GSE1: variants seen among roughly 807,000 people sequenced by gnomAD.
GSE1 encodes the protein genetic suppressor element 1.
Under a neutral mutation model 112.6 loss-of-function variants are expected in GSE1, and 32 were observed. The ratio of observed to expected loss-of-function variants is 0.28; its 90% CI spans 0.21 to 0.38. The LOEUF is 0.38. Ranked by LOEUF, GSE1 falls within the 10% of genes least tolerant of loss-of-function variation. The pLI, the probability that GSE1 is intolerant of heterozygous loss-of-function variation, is 1.00. For synonymous variants in GSE1, 1,115 were observed against 735.6 expected (o/e 1.52, Z -8.35); for missense variants, 2,348 against 1,699.2 (o/e 1.38, Z -6.71).
intron 2 of GSE1, among the ~76,000 whole-genome samples, chr16:85,546,145 C>G (rs1179648085): frequency 6.6e-6 from 1 of 152,050 alleles, no homozygotes; most frequent in Non-Finnish European, 1.5e-5. Flanking sequence ...AGTACAGTGG[C>G]CCGATCTCAG....
intron 1 of GSE1, among the ~76,000 whole-genome samples, chr16:85,623,772 C>T (rs540624380): frequency 6.6e-6 from 1 of 152,340 alleles, no homozygotes; most frequent in South Asian, 2.1e-4. Flanking sequence ...ACCCTGGACC[C>T]CTCTTCGAAG....
At chr16:85,333,119 G>A (rs77327884) in intron 1 of GSE1, among the ~76,000 whole-genome samples, 2,544 of 152,250 alleles carry the variant, frequency 0.017, 75 homozygotes, top group African/African-American at 0.058. Context: ...TGCAGAGCTG[G>A]GAGGTGGACA....
At chr16:85,251,081 G>C (rs1384071334) in intron 1 of GSE1, among the ~76,000 whole-genome samples, 1 of 152,232 alleles carries the variant, frequency 6.6e-6, no homozygotes, top group Non-Finnish European at 1.5e-5. Flanking sequence ...TGTTTGGGCT[G>C]CTCCCACTCT....
intron 1 of GSE1, among the ~76,000 whole-genome samples, chr16:85,584,659 C>T (rs1292287872): frequency 3.3e-5 from 5 of 152,160 alleles, no homozygotes; most frequent in Admixed American, 6.5e-5. Context: ...GTACTTGGTA[C>T]TGCTTTTCCG....
intron 2 of GSE1, among the ~76,000 whole-genome samples, chr16:85,376,962 C>T (rs1483079159): frequency 1.3e-5 from 2 of 152,262 alleles, no homozygotes; most frequent in African/African-American, 2.4e-5. Flanking sequence ...GCACGCTGTG[C>T]AGTCGCGGGT....
chr16:85,617,908 C>T (rs980759166), intron 1 of GSE1, among the ~76,000 whole-genome samples: 8 of 152,132 alleles, frequency 5.3e-5, no homozygotes, highest in Non-Finnish European at 1.0e-4. Flanking sequence ...CTCCCCTCTA[C>T]GCCACCTCCC....
rs773921904 is a variant in GSE1, at chr16:85,663,421, G to A, written c.2451G>A (p.Lys817=). The change falls in exon 11 of 16, where the codon AAG becomes AAA. Residue 817 remains lysine, a synonymous_variant. Transcript: ENST00000253458. ...AATTGGTGGCCCAGAAGCGGAGGAA[G>A]CGGCGGAGGATGCTGCGAGAGAGAA... ...KEELVAQKRR[K]RRRMLRERSP... 1.2e-6 allele frequency: 2 copies of A among 1,613,946 alleles called. No individual in the cohort carries two copies. Among genetic ancestry groups the A allele is most frequent in the Non-Finnish European group, 1.7e-6 (2 of 1,180,046 alleles).
chr16:85,463,102 G>C (rs1380216844), intron 2 of GSE1: 2 of 985,208 alleles, frequency 2.0e-6, no homozygotes, highest in Non-Finnish European at 2.4e-6. Flanking sequence ...ATGAAGACCT[G>C]GTCGTCTCTG....
chr16:85,336,637 C>T (rs1306740093), intron 1 of GSE1, among the ~76,000 whole-genome samples: 2 of 151,166 alleles, frequency 1.3e-5, no homozygotes, highest in African/African-American at 4.9e-5. Context: ...AGTCTCACTT[C>T]ATCGCCCAGG....
chr16:85,185,671 C>G (rs991088858), intron 1 of GSE1, among the ~76,000 whole-genome samples: 2 of 152,254 alleles, frequency 1.3e-5, no homozygotes, highest in Non-Finnish European at 2.9e-5. Context: ...GCAGGAGAAA[C>G]GTCCCCCGTG....
intron 1 of GSE1, among the ~76,000 whole-genome samples, chr16:85,186,400 CAA>C (rs1339672318): frequency 6.6e-6 from 1 of 152,034 alleles, no homozygotes; most frequent in Admixed American, 6.6e-5. Context: ...GTCAGAAGAT[CAA>C]GACCATCCTG....
intron 2 of GSE1, among the ~76,000 whole-genome samples, chr16:85,502,691 G>A (rs75778557): frequency 6.6e-6 from 1 of 152,224 alleles, no homozygotes; most frequent in East Asian, 1.9e-4. Flanking sequence ...GGCTACCGCC[G>A]ACCTGCAGGG....
intron 2 of GSE1, among the ~76,000 whole-genome samples, chr16:85,480,370 T>TG (rs1270108328): frequency 6.6e-6 from 1 of 152,192 alleles, no homozygotes; most frequent in African/African-American, 2.4e-5. Context: ...TTCCTGGCCT[T>TG]GCGGCAGGGG....
At chr16:85,596,966 T>TTTTGTTTG (rs113778336) in intron 1 of GSE1, among the ~76,000 whole-genome samples, 23 of 151,706 alleles carry the variant, frequency 1.5e-4, no homozygotes, top group African/African-American at 5.3e-4. Context: ...GTAGTTGTTT[T>TTTTGTTTG]TTTGTTTGTT....
intron 2 of GSE1, among the ~76,000 whole-genome samples, chr16:85,385,857 A>G (rs1012831960): frequency 1.3e-5 from 2 of 152,190 alleles, no homozygotes; most frequent in African/African-American, 4.8e-5. Flanking sequence ...GGACGGCTCC[A>G]GCTCCAGCTC....
intron 2 of GSE1, among the ~76,000 whole-genome samples, chr16:85,541,610 C>T (rs1376519569): frequency 6.6e-6 from 1 of 152,258 alleles, no homozygotes; most frequent in Non-Finnish European, 1.5e-5. Flanking sequence ...AGAGGGTTCG[C>T]TTCTGTGCCT....
chr16:85,217,644 A>G (rs778646250), intron 1 of GSE1, among the ~76,000 whole-genome samples: 17 of 152,226 alleles, frequency 1.1e-4, no homozygotes, highest in Non-Finnish European at 2.2e-4. Flanking sequence ...GAGAGCGTTC[A>G]GGACAGGGCC....
At chr16:85,632,916 G>A (rs985191193) in intron 1 of GSE1, among the ~76,000 whole-genome samples, 64 of 152,304 alleles carry the variant, frequency 4.2e-4, no homozygotes, top group Admixed American at 2.3e-3. Flanking sequence ...TTGGACACAC[G>A]GGGTGGGCGG....
intron 2 of GSE1, among the ~76,000 whole-genome samples, chr16:85,515,754 A>C (rs934849978): frequency 6.6e-6 from 1 of 152,014 alleles, no homozygotes; most frequent in Non-Finnish European, 1.5e-5. Flanking sequence ...GGGTGGAAAC[A>C]CATTGGAACC....
Sources: gnomAD v4.1 joint callset for allele counts (sites outside exome capture counted in the v4.1 genomes callset) on GRCh38, gnomAD v4.1.1 for gene constraint, MANE v1.5 for transcripts, NCBI Gene and HGNC (gene_info 2026-07-23, HGNC 2026-07-21) for gene names.